KIAA0319L: variants seen among roughly 807,000 people sequenced by gnomAD.
The protein encoded by KIAA0319L is KIAA0319 like, also known as dyslexia-associated protein KIAA0319-like protein.
A neutral mutation model predicts 120.1 loss-of-function variants in KIAA0319L; 55 were observed. The ratio of observed to expected loss-of-function variants is 0.46; its 90% CI spans 0.37 to 0.57. KIAA0319L has a LOEUF of 0.57. Among genes scored for constraint, KIAA0319L ranks in the 20% least tolerant of loss-of-function variants. The pLI is 0.00. For synonymous variants in KIAA0319L, 398 were observed against 471.9 expected, an observed-to-expected ratio of 0.84 and a Z score of 2.03; for missense variants, 1,049 against 1,255.3, an observed-to-expected ratio of 0.84 and a Z score of 2.48.
At position 35,502,722 on chromosome 1, in the gene KIAA0319L, G is replaced by A. The variant is rs1232852698; in HGVS notation, c.666+3890C>T. On this transcript the variant is annotated intron_variant, in intron 3 of 20. Transcript: ENST00000325722. ...ACAATTACCCATTCCTCTGACATCT[G>A]CTTCCCATCATGGTAACCACTAAAT... Among the ~76,000 whole-genome samples, 3 of 152,042 alleles carry A rather than the reference G, an allele frequency of 2.0e-5. No individual in the cohort carries two copies. In the East Asian group the frequency reaches 5.8e-4, roughly 29 times the overall value.
chr1:35,454,420 T>G lies in KIAA0319L; in HGVS notation c.1722A>C (p.Thr574=). Residue 574 remains threonine (T), a synonymous_variant, in exon 11 of 21, where the codon ACA becomes ACC. Coordinates refer to ENST00000325722, the MANE Select transcript of KIAA0319L (RefSeq NM_024874.5). Reference sequence around the variant, plus strand: ...CCTGCTGTCCTATTGTGTCAGTCACTGTGAGCTGGTAAGTGTAGTCTCCTT... The same window carrying G: ...CCTGCTGTCCTATTGTGTCAGTCACGGTGAGCTGGTAAGTGTAGTCTCCTT... ...MQEGDYTYQL[T]VTDTIGQQAT... 6.2e-7 allele frequency: 1 copy of G among 1,614,188 alleles called. No individual in the cohort carries two copies. Among genetic ancestry groups the G allele is most frequent in the Non-Finnish European group, 8.5e-7 (1 of 1,179,994 alleles).
chr1:35,512,454 C>T (rs1002982339), intron 2 of KIAA0319L, among the ~76,000 whole-genome samples: 1 of 150,142 alleles, frequency 6.7e-6, no homozygotes, highest in African/African-American at 2.5e-5. Context: ...GAACAAAAAA[C>T]AATAGAGAAA....
chr1:35,434,966 A>G lies in KIAA0319L; in HGVS notation c.3078T>C (p.His1026=). Residue 1026 remains histidine, a synonymous_variant, in exon 21 of 21, where the codon CAT becomes CAC. Transcript: ENST00000325722. ...CGTTGGGTACAGAGCCATTCTGACC[A>G]TGCAGGAGTTTGCCCTTCTCTCGGT... ...WPDREKGKLL[H]GQNGSVPNGQ... is the part of the protein sequence containing the mutation. 6.2e-7 allele frequency: 1 copy of G among 1,614,106 alleles called. No homozygotes were observed. Among genetic ancestry groups the G allele is most frequent in the Non-Finnish European group, 8.5e-7 (1 of 1,180,030 alleles).
At chr1:35,496,606 A>G (rs1172999465) in intron 3 of KIAA0319L, among the ~76,000 whole-genome samples, 2 of 152,098 alleles carry the variant, frequency 1.3e-5, no homozygotes, top group Non-Finnish European at 2.9e-5. Context: ...TGGATAAACA[A>G]ATTATATCTA....
At chr1:35,450,239 G>T in intron 14 of KIAA0319L, 119 bp downstream of exon 14, 1 of 1,179,834 alleles carries the variant, frequency 8.5e-7, no homozygotes. Context: ...CACCTCCCTG[G>T]ATTTCAGAGA....
chr1:35,508,203 T>C (rs917759632), intron 2 of KIAA0319L, among the ~76,000 whole-genome samples: 14 of 152,352 alleles, frequency 9.2e-5, no homozygotes, highest in East Asian at 5.8e-4. Context: ...AGGACCTTCA[T>C]AGTGAGTGTC....
At chr1:35,458,991 T>C (rs552045476) in intron 9 of KIAA0319L, among the ~76,000 whole-genome samples, 2 of 152,352 alleles carry the variant, frequency 1.3e-5, no homozygotes, top group Admixed American at 1.3e-4. Flanking sequence ...ATGGTAGGTA[T>C]TGTGCTAGGA....
rs117033306 is a variant in KIAA0319L at position 35,531,737 on chromosome 1, G to T, written c.142+22613C>A. Among the ~76,000 whole-genome samples, 329 of 152,248 alleles carry T rather than the reference G, an allele frequency of 2.2e-3. 6 individuals carry two copies. In the South Asian group the frequency reaches 0.032, roughly 15 times the overall value. On this transcript the variant is annotated intron_variant, in intron 2 of 20. Coordinates refer to ENST00000325722, the MANE Select transcript of KIAA0319L (RefSeq NM_024874.5). The stretch of plus-strand genomic sequence containing the variant: ...CAATCTTGCCTGGGTTATCCACCTC[G>T]CTTCCCTCTCCCTCAGTGCCTCATG...
intron 20 of KIAA0319L, chr1:35,439,426 AAT>A (rs1163405204): frequency 1.3e-5 from 2 of 152,182 alleles, no homozygotes; most frequent in African/African-American, 2.4e-5. Flanking sequence ...GATTCACCAC[AAT>A]ATAAGCAGTG....
At chr1:35,504,447 T>C (rs1310769252) in intron 3 of KIAA0319L, among the ~76,000 whole-genome samples, 2 of 152,140 alleles carry the variant, frequency 1.3e-5, no homozygotes, top group Non-Finnish European at 2.9e-5. Flanking sequence ...CCGCCCGCCT[T>C]GGCCTCCCAA....
chr1:35,478,941 T>C, intron 4 of KIAA0319L, 25 bp downstream of exon 4: 2 of 1,607,416 alleles, frequency 1.2e-6, no homozygotes, highest in Non-Finnish European at 1.7e-6. Flanking sequence ...TTTTTCCTTC[T>C]ATCTCCAAGA....
At chr1:35,498,186 A>T (rs1224390101) in intron 3 of KIAA0319L, among the ~76,000 whole-genome samples, 1 of 152,108 alleles carries the variant, frequency 6.6e-6, no homozygotes, top group Admixed American at 6.5e-5. Flanking sequence ...ACAAAAAATT[A>T]GCTGGGTATG....
At chr1:35,515,449 C>T (rs1645642864) in intron 2 of KIAA0319L, among the ~76,000 whole-genome samples, 1 of 151,850 alleles carries the variant, frequency 6.6e-6, no homozygotes, top group Admixed American at 6.6e-5. Flanking sequence ...AACAACATGC[C>T]CCTGAATGAC....
intron 3 of KIAA0319L, among the ~76,000 whole-genome samples, chr1:35,498,913 G>A (rs1312871078): frequency 6.6e-6 from 1 of 152,224 alleles, no homozygotes; most frequent in Non-Finnish European, 1.5e-5. Context: ...CCAATGGAAA[G>A]GAATGTCTTC....
rs151103704 is a variant in KIAA0319L at position 35,474,896 on chromosome 1, T to G, written c.924A>C (p.Glu308Asp). ...CACTCTCTCCAGCAGATACCACCAG[T>G]TCCTTTATAACTGGAAACAAAGTAA... ...STSAPYPVIK[E>D]LVVSAGESVQ... Residue 308 changes from glutamate to aspartate, a missense_variant, in exon 5 of 21, where the codon GAA becomes GAC. By Grantham distance (45) the Glu-to-Asp change is conservative (BLOSUM62 2). Transcript: ENST00000325722. 2,025 of 1,590,842 alleles carry G rather than the reference T, an allele frequency of 1.3e-3. 7 individuals are homozygous for G. Among genetic ancestry groups the G allele is most frequent in the South Asian group, 5.4e-3 (491 of 90,100 alleles).
intron 2 of KIAA0319L, chr1:35,510,968 T>C (rs1645418146): frequency 6.6e-6 from 1 of 152,152 alleles, no homozygotes; most frequent in Non-Finnish European, 1.5e-5. Flanking sequence ...TAACTCAACT[T>C]TGTTGGAGCA....
chr1:35,477,388 C>G (rs1024598406), intron 4 of KIAA0319L, among the ~76,000 whole-genome samples: 7 of 152,192 alleles, frequency 4.6e-5, no homozygotes, highest in African/African-American at 1.7e-4. Context: ...AATGAGATGG[C>G]CGGGCGCGGT....
chr1:35,456,632 T>A (rs1050253844), intron 9 of KIAA0319L, among the ~76,000 whole-genome samples: 1 of 151,744 alleles, frequency 6.6e-6, no homozygotes, highest in Non-Finnish European at 1.5e-5. Flanking sequence ...GCCAACATGG[T>A]GAAACCCCAT....
Position 35,454,469 on chromosome 1 carries a change from G to A in KIAA0319L, c.1673C>T (p.Thr558Ile). Reference protein sequence around the residue: ...VVEMQGVRTPTLQLSAMQEGD... With the variant: ...VVEMQGVRTPILQLSAMQEGD... ...TTCTTGCATCGCAGAGAGCTGTAAGGTTGGTGTTCTAACACCCTACAAATA... is the reference window on the plus strand; with the variant it reads ...TTCTTGCATCGCAGAGAGCTGTAAGATTGGTGTTCTAACACCCTACAAATA... Residue 558 changes from threonine to isoleucine, a missense_variant, in exon 11 of 21, where the codon ACC becomes ATC. Physicochemically the swap from Thr to Ile is moderately conservative, Grantham distance 89 (BLOSUM62 -1). Transcript: ENST00000325722. 6.2e-7 allele frequency: 1 copy of A among 1,614,142 alleles called. No individual in the cohort carries two copies. The highest frequency in any genetic ancestry group is 2.2e-5 in the East Asian group (1 of 44,892).
Sources: gnomAD v4.1 joint callset for allele counts (sites outside exome capture counted in the v4.1 genomes callset) on GRCh38, gnomAD v4.1.1 for gene constraint, MANE v1.5 for transcripts, NCBI Gene and HGNC (gene_info 2026-07-23, HGNC 2026-07-21) for gene names.